Variants in SCN4B observed in about 807,000 individuals in gnomAD.
SCN4B encodes the protein sodium voltage-gated channel beta subunit 4.
In SCN4B, 20 loss-of-function variants were observed where a neutral mutation model predicts 19.6. That is an observed-to-expected ratio of 1.02 (90% confidence interval 0.72 to 1.48). The LOEUF is 1.48. Ranked by LOEUF, SCN4B falls within the 40% of genes most tolerant of loss-of-function variation. SCN4B has a pLI of 0.00. For synonymous variants in SCN4B, 127 were observed against 122.8 expected (o/e 1.03, Z -0.22); for missense variants, 271 against 287.5 (o/e 0.94, Z 0.42).
chr11:118,138,633 C>G (rs901024029), intron 4 of SCN4B, among the ~76,000 whole-genome samples: 3 of 152,168 alleles, frequency 2.0e-5, no homozygotes, highest in African/African-American at 4.8e-5. Flanking sequence ...GTGTCGGAAA[C>G]GTGCACTCTC....
chr11:118,135,524 C>T lies in SCN4B; in HGVS notation c.*1503G>A. On this transcript the variant is annotated 3_prime_UTR_variant, in exon 5 of 5. Coordinates refer to ENST00000324727, the MANE Select transcript of SCN4B (RefSeq NM_174934.4). ...TTTTCCCTGCCATCCCTGGCCTCAC[C>T]AATTCTGCCCAACAAGGACTCAGGA... 2.2e-6 allele frequency: 1 copy of T among 454,072 alleles called. No homozygotes were observed. Among genetic ancestry groups the T allele is most frequent in the South Asian group, 1.6e-5 (1 of 64,472 alleles). 28.1% of individuals were successfully genotyped at this position (454,072 alleles called of 1,614,324 possible).
rs527268654 is a variant in SCN4B at position 118,148,172 on chromosome 11, A to G, written c.62-2943T>C. On this transcript the variant is annotated intron_variant, in intron 1 of 4. Coordinates refer to ENST00000324727, the MANE Select transcript of SCN4B (RefSeq NM_174934.4). The surrounding 1 kb of genome is among the most constrained non-coding windows in gnomAD (Gnocchi z 4.0). ...GAGGGGAAAATGAAAACCGGCAGAA[A>G]TGGTTTCACAGAGTCCAGAGCCCTG... 2.6e-5 allele frequency among the ~76,000 whole-genome samples: 4 copies of G among 152,218 alleles called. No homozygotes were observed. The highest frequency in any genetic ancestry group is 2.1e-4 in the South Asian group (1 of 4,832).
chr11:118,147,507 C>T (rs1262611040), intron 1 of SCN4B, among the ~76,000 whole-genome samples: 1 of 152,192 alleles, frequency 6.6e-6, no homozygotes, highest in Non-Finnish European at 1.5e-5. Context: ...CAACCACACT[C>T]TCCAAGAAAA....
chr11:118,141,257 C>G lies in SCN4B; in HGVS notation c.543G>C (p.Leu181=), dbSNP rs1565455053. ...GGVIGLLILI[L]LIKKLIIFIL... Reference sequence around the variant, plus strand: ...TGAAGATGATGAGTTTCTTGATCAGCAGGATGAGGATGAGGAGCCCGATGA... The same window carrying G: ...TGAAGATGATGAGTTTCTTGATCAGGAGGATGAGGATGAGGAGCCCGATGA... The change falls in exon 4 of 5, where the codon CTG becomes CTC. Residue 181 remains leucine (L), a synonymous_variant. Coordinates refer to ENST00000324727, the MANE Select transcript of SCN4B (RefSeq NM_174934.4). 1 of 1,612,820 alleles carries G rather than the reference C, an allele frequency of 6.2e-7. No individual in the cohort carries two copies. Among genetic ancestry groups the G allele is most frequent in the East Asian group, 2.2e-5 (1 of 44,882 alleles).
rs1455892056 is a variant in SCN4B, at chr11:118,136,036, G to T, written c.*991C>A. The stretch of plus-strand genomic sequence containing the variant: ...GGGGCAGGGCGTGATGGAGGGCACG[G>T]TGGGGGGGGGGGAGCGAGCCAATGG... On this transcript the variant is annotated 3_prime_UTR_variant, in exon 5 of 5. Transcript: ENST00000324727. 3 of 376,938 alleles carry T rather than the reference G, an allele frequency of 8.0e-6. No individual in the cohort carries two copies. The African/African-American group carries it at 8.9e-5, about 11-fold the overall frequency. The allele number at this position is 376,938 out of a possible 1,614,324, so 23.3% of individuals were successfully genotyped here. A position where few individuals can be genotyped will look rare whatever the true frequency, so the allele number is the denominator to read the frequency against.
chr11:118,146,502 A>G (rs990758770), intron 1 of SCN4B, among the ~76,000 whole-genome samples: 2 of 152,200 alleles, frequency 1.3e-5, no homozygotes, highest in African/African-American at 4.8e-5. Flanking sequence ...CCTGTTCTGC[A>G]TCATAAACCT....
rs1948208021 is a variant in SCN4B, at chr11:118,148,815, A to G, written c.62-3586T>C. Among the ~76,000 whole-genome samples, 1 of 152,100 alleles carries G rather than the reference A, an allele frequency of 6.6e-6. No homozygotes were observed. The highest frequency in any genetic ancestry group is 2.4e-5 in the African/African-American group (1 of 41,402). Reference sequence around the variant, plus strand: ...CTTCTTGGCTTATTTCCATGTGGCCATTTCCCCGGAGTAAAGAAAGCCTTG... The same window carrying G: ...CTTCTTGGCTTATTTCCATGTGGCCGTTTCCCCGGAGTAAAGAAAGCCTTG... On this transcript the variant is annotated intron_variant, in intron 1 of 4. Coordinates refer to ENST00000324727, the MANE Select transcript of SCN4B (RefSeq NM_174934.4). This position sits in a 1 kb window ranked among gnomAD's most constrained non-coding sequence, Gnocchi z 4.0.
Position 118,136,947 on chromosome 11 carries a change from G to T in SCN4B, c.*80C>A. ...CAAGCAGCAGATGTCTCAGGCACGTGGGTTCTACGGTCGGGGCTCAAGCAT... is the reference window on the plus strand; with the variant it reads ...CAAGCAGCAGATGTCTCAGGCACGTTGGTTCTACGGTCGGGGCTCAAGCAT... On this transcript the variant is annotated 3_prime_UTR_variant, in exon 5 of 5. Transcript: ENST00000324727. The T allele has an allele frequency of 1.1e-6, 1 of 951,996 alleles. No homozygotes were observed. Among genetic ancestry groups the T allele is most frequent in the Non-Finnish European group, 1.7e-6 (1 of 590,926 alleles). 59.0% of individuals were successfully genotyped at this position (951,996 alleles called of 1,614,324 possible). A position where few individuals can be genotyped will look rare whatever the true frequency, so the allele number is the denominator to read the frequency against.
rs1423100433 is a variant in SCN4B at position 118,135,520 on chromosome 11, T to C, written c.*1507A>G. The C allele has an allele frequency of 2.2e-6, 1 of 454,048 alleles. No individual in the cohort carries two copies. The highest frequency in any genetic ancestry group is 4.4e-6 in the Non-Finnish European group (1 of 226,772). 28.1% of individuals were successfully genotyped at this position (454,048 alleles called of 1,614,324 possible). A position where few individuals can be genotyped will look rare whatever the true frequency, so the allele number is the denominator to read the frequency against. The stretch of plus-strand genomic sequence containing the variant: ...CCACTTTTCCCTGCCATCCCTGGCC[T>C]CACCAATTCTGCCCAACAAGGACTC... On this transcript the variant is annotated 3_prime_UTR_variant, in exon 5 of 5. Transcript: ENST00000324727.
chr11:118,145,372 A>G (rs761202213), intron 1 of SCN4B, 143 bp from the exon 2 acceptor site: 1 of 1,535,974 alleles, frequency 6.5e-7, no homozygotes, highest in Non-Finnish European at 8.7e-7. Flanking sequence ...ATGGCTGTCT[A>G]CTCCAATCAG....
At chr11:118,147,329 T>C (rs1290368668) in intron 1 of SCN4B, among the ~76,000 whole-genome samples, 1 of 152,236 alleles carries the variant, frequency 6.6e-6, no homozygotes, top group Non-Finnish European at 1.5e-5. Context: ...AGGTATTTTA[T>C]ATACACTGTC....
Position 118,143,869 on chromosome 11 carries a change from G to A in SCN4B, c.427C>T (p.His143Tyr), listed in dbSNP as rs1388483603. The A allele has an allele frequency of 6.2e-7, 1 of 1,613,064 alleles. No homozygotes were observed. The highest frequency in any genetic ancestry group is 2.2e-5 in the East Asian group (1 of 44,888). The change falls in exon 3 of 5, where the codon CAC becomes TAC. Residue 143 changes from histidine (H) to tyrosine (Y), a missense_variant. Physicochemically the swap from His to Tyr is moderately conservative, Grantham distance 83. Transcript: ENST00000324727. Reference protein sequence around the residue: ...VKNPKENNLQHHATIFLQVVD... With the variant: ...VKNPKENNLQYHATIFLQVVD... ...ACTTGGAGGAAGATGGTGGCGTGGT[G>A]CTGGAGATTATTCTCCTTGGGGTTC...
intron 1 of SCN4B, among the ~76,000 whole-genome samples, chr11:118,151,219 A>G (rs1948230693): frequency 6.6e-6 from 1 of 152,098 alleles, no homozygotes; most frequent in Non-Finnish European, 1.5e-5. Context: ...CAAACAAGGG[A>G]CTGGCATCCC....
intron 1 of SCN4B, among the ~76,000 whole-genome samples, chr11:118,152,108 C>T (rs1948238721): frequency 6.6e-6 from 1 of 152,160 alleles, no homozygotes. Context: ...AGGTACAGGG[C>T]AGAGGAGCAA....
Position 118,134,209 on chromosome 11 carries a change from C to A in SCN4B, c.*2818G>T, listed in dbSNP as rs943633874. 1 of 454,036 alleles carries A rather than the reference C, an allele frequency of 2.2e-6. No individual in the cohort carries two copies. The highest frequency in any genetic ancestry group is 2.0e-5 in the African/African-American group (1 of 49,996). The allele number at this position is 454,036 out of a possible 1,614,324, so 28.1% of individuals were successfully genotyped here. On this transcript the variant is annotated 3_prime_UTR_variant, in exon 5 of 5. Transcript: ENST00000324727. ...TTACGACATGGGGAGAAGCCCAGAACCTGGAATGCTGATTTCATATTTTGT... is the reference window on the plus strand; with the variant it reads ...TTACGACATGGGGAGAAGCCCAGAAACTGGAATGCTGATTTCATATTTTGT...
chr11:118,147,070 C>T (rs902987688), intron 1 of SCN4B, among the ~76,000 whole-genome samples: 1 of 152,234 alleles, frequency 6.6e-6, no homozygotes, highest in Non-Finnish European at 1.5e-5. Context: ...TGATTCAGGT[C>T]TGGAGTGGAG....
intron 1 of SCN4B, among the ~76,000 whole-genome samples, chr11:118,149,275 C>T (rs896620471): frequency 1.3e-5 from 2 of 152,164 alleles, no homozygotes; most frequent in East Asian, 1.9e-4. Context: ...CCCCAGGATG[C>T]GGGGAGGAAA....
Position 118,152,757 on chromosome 11 carries a change from G to T in SCN4B, c.-84C>A, listed in dbSNP as rs1031697612. On this transcript the variant is annotated 5_prime_UTR_variant, in exon 1 of 5. Coordinates refer to ENST00000324727, the MANE Select transcript of SCN4B (RefSeq NM_174934.4). ...CGCTCTCCGCCCGAGGTCGGCGTTC[G>T]GCCACAAAGCTACCCCGGAGCTCTG... 1.2e-5 allele frequency: 14 copies of T among 1,140,384 alleles called. No homozygotes were observed. The Admixed American group carries it at 2.3e-4, about 19-fold the overall frequency. 70.6% of individuals were successfully genotyped at this position (1,140,384 alleles called of 1,614,324 possible). A position where few individuals can be genotyped will look rare whatever the true frequency, so the allele number is the denominator to read the frequency against.
rs1247247260 is a variant in SCN4B, at chr11:118,134,709, T to C, written c.*2318A>G. On this transcript the variant is annotated 3_prime_UTR_variant, in exon 5 of 5. Coordinates refer to ENST00000324727, the MANE Select transcript of SCN4B (RefSeq NM_174934.4). ...GAAAGAGAGAGAGAGTGTGTGTGTC[T>C]GTATGTGGGTTGTAGAGATGGGACA... The C allele has an allele frequency of 2.2e-6, 1 of 454,064 alleles. No individual in the cohort carries two copies. The highest frequency in any genetic ancestry group is 4.4e-6 in the Non-Finnish European group (1 of 226,782). 28.1% of individuals were successfully genotyped at this position (454,064 alleles called of 1,614,324 possible). A position where few individuals can be genotyped will look rare whatever the true frequency, so the allele number is the denominator to read the frequency against.
Sources: allele counts gnomAD v4.1 joint callset (sites outside exome capture counted in the v4.1 genomes callset), GRCh38; gene constraint gnomAD v4.1.1; non-coding constraint Gnocchi (gnomAD v3.1); transcripts MANE v1.5; gene names NCBI Gene and HGNC (gene_info 2026-07-23, HGNC 2026-07-21).